WDR82: variants seen among roughly 807,000 people sequenced by gnomAD.
WDR82 encodes the protein WD repeat-containing protein 82.
A neutral mutation model predicts 36.1 loss-of-function variants in WDR82; 8 were observed. The ratio of observed to expected loss-of-function variants is 0.22; its 90% CI spans 0.13 to 0.40. The LOEUF (loss-of-function observed/expected upper bound fraction) is 0.40, where lower values mean the gene tolerates loss of function less well. WDR82 is among the 10% of genes least tolerant of loss of function. The pLI is 1.00. For synonymous variants in WDR82, 129 were observed against 137.8 expected (o/e 0.94, Z 0.45); for missense variants, 185 against 400.5 (o/e 0.46, Z 4.59).
intron 1 of WDR82, 130 bp from the exon 2 acceptor site, chr3:52,270,939 G>A: frequency 3.5e-6 from 2 of 576,334 alleles, no homozygotes; most frequent in Non-Finnish European, 5.8e-6. Flanking sequence ...ACACTGGAAA[G>A]AAACAACTTC....
intron 4 of WDR82, 85 bp downstream of exon 4, chr3:52,261,294 GT>G (rs890562291): frequency 7.4e-6 from 9 of 1,214,784 alleles, no homozygotes; most frequent in Non-Finnish European, 1.0e-5. Context: ...TGGAACCACT[GT>G]TTTCTCCCTT....
chr3:52,271,383 GGTT>G lies in WDR82; in HGVS notation c.162-577_162-575del, dbSNP rs541567457. 3.2e-3 allele frequency among the ~76,000 whole-genome samples: 489 copies of G among 152,284 alleles called. 3 individuals carry two copies. Among genetic ancestry groups the G allele is most frequent in the African/African-American group, 0.011 (461 of 41,556 alleles). On this transcript the variant is annotated intron_variant, in intron 1 of 8. Coordinates refer to ENST00000296490, the MANE Select transcript of WDR82 (RefSeq NM_025222.4). ...TAGGTGTGTGCAGATTATACCGTCAGGTTTGTGTAAGTACACTCTATGATGCTG... is the reference window on the plus strand; with the variant it reads ...TAGGTGTGTGCAGATTATACCGTCAGTGTGTAAGTACACTCTATGATGCTG...
rs1700228672 is a variant in WDR82 at position 52,278,485 on chromosome 3, G to C, written c.-124C>G. 1 of 868,364 alleles carries C rather than the reference G, an allele frequency of 1.2e-6. No homozygotes were observed. Among genetic ancestry groups the C allele is most frequent in the Non-Finnish European group, 1.5e-6 (1 of 662,936 alleles). The allele number at this position is 868,364 out of a possible 1,614,324, so 53.8% of individuals were successfully genotyped here. A position where few individuals can be genotyped will look rare whatever the true frequency, so the allele number is the denominator to read the frequency against. ...CGCGCCGGCGGCTAGCGGGAAGTCGGCCAACAGTTGGGCCGCCTCCTCCTC... is the reference window on the plus strand; with the variant it reads ...CGCGCCGGCGGCTAGCGGGAAGTCGCCCAACAGTTGGGCCGCCTCCTCCTC... On this transcript the variant is annotated 5_prime_UTR_variant, in exon 1 of 9. Transcript: ENST00000296490.
intron 3 of WDR82, among the ~76,000 whole-genome samples, chr3:52,262,628 C>G (rs1700071343): frequency 6.6e-6 from 1 of 152,164 alleles, no homozygotes; most frequent in African/African-American, 2.4e-5. Flanking sequence ...TTTTGGGCAC[C>G]ACACCTAGAG....
At chr3:52,260,615 C>T (rs923272990) in intron 4 of WDR82, 114 bp from the exon 5 acceptor site, 9 of 572,798 alleles carry the variant, frequency 1.6e-5, no homozygotes, top group Non-Finnish European at 2.3e-5. Flanking sequence ...GACCTTACCA[C>T]TATATAATTT....
In WDR82 at chr3:52,278,478, G is replaced by A. The variant is rs1316379197; in HGVS notation, c.-117C>T. 4 of 978,950 alleles carry A rather than the reference G, an allele frequency of 4.1e-6. No individual in the cohort carries two copies. Among genetic ancestry groups the A allele is most frequent in the Admixed American group, 4.5e-5 (1 of 22,400 alleles). The allele number at this position is 978,950 out of a possible 1,614,324, so 60.6% of individuals were successfully genotyped here. A position where few individuals can be genotyped will look rare whatever the true frequency, so the allele number is the denominator to read the frequency against. On this transcript the variant is annotated 5_prime_UTR_variant, in exon 1 of 9. Coordinates refer to ENST00000296490, the MANE Select transcript of WDR82 (RefSeq NM_025222.4). ...CGGGCGCCGCGCCGGCGGCTAGCGG[G>A]AAGTCGGCCAACAGTTGGGCCGCCT...
chr3:52,259,078 G>T, intron 7 of WDR82, 119 bp downstream of exon 7: 1 of 1,168,770 alleles, frequency 8.6e-7, no homozygotes, highest in Non-Finnish European at 1.2e-6. Context: ...GGCATAATGT[G>T]CTATACAGAA....
intron 2 of WDR82, among the ~76,000 whole-genome samples, chr3:52,269,556 C>G (rs1700135390): frequency 6.6e-6 from 1 of 151,916 alleles, no homozygotes; most frequent in African/African-American, 2.4e-5. Context: ...TGGTGAAACC[C>G]TGTCTCTACT....
Position 52,257,339 on chromosome 3 carries a change from A to G in WDR82, c.*151T>C. 2 of 1,016,734 alleles carry G rather than the reference A, an allele frequency of 2.0e-6. No homozygotes were observed. The highest frequency in any genetic ancestry group is 3.0e-6 in the Non-Finnish European group (2 of 677,308). The allele number at this position is 1,016,734 out of a possible 1,614,324, so 63.0% of individuals were successfully genotyped here. On this transcript the variant is annotated 3_prime_UTR_variant, in exon 9 of 9. Transcript: ENST00000296490. ...TCATCAAAGTAATTATTTTCTTTTGAGCAGATGTACAGCACATCCATGGGA... is the reference window on the plus strand; with the variant it reads ...TCATCAAAGTAATTATTTTCTTTTGGGCAGATGTACAGCACATCCATGGGA...
rs2107328852 is a variant in WDR82 at position 52,257,462 on chromosome 3, A to G, written c.*28T>C. 6.2e-7 allele frequency: 1 copy of G among 1,614,126 alleles called. No individual in the cohort carries two copies. Among genetic ancestry groups the G allele is most frequent in the Non-Finnish European group, 8.5e-7 (1 of 1,180,022 alleles). On this transcript the variant is annotated 3_prime_UTR_variant, in exon 9 of 9. Transcript: ENST00000296490. The stretch of plus-strand genomic sequence containing the variant: ...TTTCTTCCTGCTGGCCGCCCTCACT[A>G]TACAGAAATAGCCAAGCAGCAACAG...
Position 52,257,565 on chromosome 3 carries a change from C to G in WDR82, c.913-46G>C, listed in dbSNP as rs775194622. 1.9e-6 allele frequency: 3 copies of G among 1,613,376 alleles called. No individual in the cohort carries two copies. The South Asian group carries it at 3.3e-5, about 18-fold the overall frequency. ...AACTTTAAAAAGCCAAGCATCTCCTCACTGCCAACGGTTCTTCACATCCCA... is the reference window on the plus strand; with the variant it reads ...AACTTTAAAAAGCCAAGCATCTCCTGACTGCCAACGGTTCTTCACATCCCA... On this transcript the variant is annotated intron_variant, in intron 8 of 8. Transcript: ENST00000296490.
intron 1 of WDR82, among the ~76,000 whole-genome samples, chr3:52,272,420 T>A (rs1700162436): frequency 1.3e-5 from 2 of 151,984 alleles, no homozygotes; most frequent in Non-Finnish European, 2.9e-5. Flanking sequence ...GGCCCACGCC[T>A]GTAGTCCCAG....
intron 3 of WDR82, among the ~76,000 whole-genome samples, chr3:52,265,299 CAAAAAAAAAAAAAAAAAAA>C (rs869189597): frequency 3.2e-4 from 14 of 43,782 alleles, no homozygotes; most frequent in Admixed American, 8.2e-4. Flanking sequence ...GACTCTGTCT[CAAAAAAAAAAAAAAAAAAA>C]AAAAAAAAAA....
At chr3:52,263,433 A>G (rs1238425291) in intron 3 of WDR82, among the ~76,000 whole-genome samples, 4 of 152,250 alleles carry the variant, frequency 2.6e-5, no homozygotes, top group Non-Finnish European at 5.9e-5. Context: ...GAAGGGACAG[A>G]ACCTGACTAC....
Position 52,260,395 on chromosome 3 carries a change from G to A in WDR82, c.533C>T (p.Ser178Phe). 6.4e-7 allele frequency: 1 copy of A among 1,559,896 alleles called. No homozygotes were observed. The highest frequency in any genetic ancestry group is 1.4e-5 in the African/African-American group (1 of 70,554). Residue 178 changes from serine (S) to phenylalanine (F), a missense_variant, in exon 5 of 9, where the codon TCT becomes TTT. Transcript: ENST00000296490. ...GATTCAAAGATTTACCTTATCAAAA[G>A]AACGAAGGTCATAAAGCTTGACCAT... is the stretch of plus-strand genomic sequence containing the variant. Reference protein sequence around the residue: ...SEMVKLYDLRSFDKGPFATFK... With the variant: ...SEMVKLYDLRFFDKGPFATFK...
intron 1 of WDR82, among the ~76,000 whole-genome samples, chr3:52,276,437 G>GAAAA (rs1237284083): frequency 7.3e-6 from 1 of 136,468 alleles, no homozygotes; most frequent in East Asian, 2.1e-4. Flanking sequence ...TCCCCCACCC[G>GAAAA]AAAAAAAAAA....
intron 7 of WDR82, 36 bp from the exon 8 acceptor site, chr3:52,258,714 A>G (rs1237466034): frequency 6.2e-7 from 1 of 1,613,480 alleles, no homozygotes; most frequent in Non-Finnish European, 8.5e-7. Context: ...TAACAGCTCA[A>G]GGCGCAATAC....
At chr3:52,265,507 G>A (rs1035887349) in intron 3 of WDR82, among the ~76,000 whole-genome samples, 75 of 150,916 alleles carry the variant, frequency 5.0e-4, no homozygotes, top group Admixed American at 8.6e-4. Context: ...ACCACTGGTT[G>A]CCACCTTATT....
chr3:52,261,132 A>G (rs1275597592), intron 4 of WDR82, among the ~76,000 whole-genome samples: 8 of 152,230 alleles, frequency 5.3e-5, no homozygotes, highest in East Asian at 1.9e-4. Context: ...TCTCAAAACA[A>G]AAACAAAAAC....
Sources: allele counts gnomAD v4.1 joint callset (sites outside exome capture counted in the v4.1 genomes callset), GRCh38; gene constraint gnomAD v4.1.1; transcripts MANE v1.5; gene names NCBI Gene and HGNC (gene_info 2026-07-23, HGNC 2026-07-21).